The following FMO5 variants were observed in gnomAD, a reference collection of about 807,000 sequenced individuals.
FMO5 encodes flavin-containing monooxygenase 5.
In FMO5, 51 loss-of-function variants were observed where a neutral mutation model predicts 43.6. The observed-to-expected ratio is 1.17, with a 90% CI of 0.93 to 1.48. The LOEUF (loss-of-function observed/expected upper bound fraction) is 1.48, where lower values mean the gene tolerates loss of function less well. FMO5 is among the 40% of genes most tolerant of loss of function. The pLI is 0.00. For missense variants in FMO5, 644 were observed against 643.0 expected (o/e 1.00, Z -0.02); for synonymous variants, 187 against 216.5 (o/e 0.86, Z 1.20).
At chr1:147,222,136 G>A (rs1263033743) in intron 2 of FMO5, among the ~76,000 whole-genome samples, 1 of 152,184 alleles carries the variant, frequency 6.6e-6, no homozygotes, top group African/African-American at 2.4e-5. Flanking sequence ...TTGGGAGGCC[G>A]AGGTGAGCAG....
At chr1:147,206,142 T>C (rs1233354209) in intron 6 of FMO5, among the ~76,000 whole-genome samples, 8 of 150,618 alleles carry the variant, frequency 5.3e-5, no homozygotes, top group Non-Finnish European at 8.9e-5. Flanking sequence ...AAGACATTTA[T>C]GCAGCCAACA....
At chr1:147,191,796 G>C (rs755784921) in intron 7 of FMO5, among the ~76,000 whole-genome samples, 165 of 152,106 alleles carry the variant, frequency 1.1e-3, no homozygotes, top group Non-Finnish European at 2.0e-3. Flanking sequence ...GTTTTTGTCA[G>C]GTTTGTCAAA....
At chr1:147,207,728 G>A (rs1344997696) in intron 6 of FMO5, among the ~76,000 whole-genome samples, 1 of 152,062 alleles carries the variant, frequency 6.6e-6, no homozygotes, top group Non-Finnish European at 1.5e-5. Flanking sequence ...CTGGTTCCGG[G>A]AATACCTCTG....
downstream of FMO5, chr1:147,184,361 T>C: frequency 2.0e-6 from 2 of 983,980 alleles, no homozygotes; most frequent in Non-Finnish European, 1.4e-6. This position sits in a 1 kb window ranked among gnomAD's most constrained non-coding sequence, Gnocchi z 4.4. Flanking sequence ...GGTACATTTG[T>C]CACAACTAAT....
intron 2 of FMO5, among the ~76,000 whole-genome samples, chr1:147,220,090 G>A (rs1033992981): frequency 2.6e-5 from 4 of 151,934 alleles, no homozygotes; most frequent in Non-Finnish European, 4.4e-5. Context: ...CACCCACCTC[G>A]GCCTCCCAAA....
At chr1:147,208,717 G>C in intron 6 of FMO5, 135 bp downstream of exon 6, 1 of 679,388 alleles carries the variant, frequency 1.5e-6, no homozygotes, top group Admixed American at 2.5e-5. Context: ...GGGATTACAG[G>C]CGTGAGCCAC....
chr1:147,204,329 T>A, intron 6 of FMO5: 2 of 960,124 alleles, frequency 2.1e-6, no homozygotes, highest in Non-Finnish European at 1.7e-6. Context: ...CAAACTCTGA[T>A]GTTATCAACT....
In FMO5 at chr1:147,186,698, G is replaced by C; in HGVS notation, c.*202C>G. ...GGGATTACCACAAGGAAGAGTGACG[G>C]ATCATGAGTGGAAGGGAGATGAGTT... On this transcript the variant is annotated 3_prime_UTR_variant, in exon 9 of 9. Transcript: ENST00000254090. 1 of 1,401,008 alleles carries C rather than the reference G, an allele frequency of 7.1e-7. No homozygotes were observed. The highest frequency in any genetic ancestry group is 9.2e-7 in the Non-Finnish European group (1 of 1,081,948). 86.8% of individuals were successfully genotyped at this position (1,401,008 alleles called of 1,614,324 possible).
At chr1:147,208,714 C>A in intron 6 of FMO5, 138 bp downstream of exon 6, 2 of 637,172 alleles carry the variant, frequency 3.1e-6, no homozygotes, top group South Asian at 1.8e-5. Flanking sequence ...GCTGGGATTA[C>A]AGGCGTGAGC....
rs190673591 is a variant in FMO5 at position 147,186,620 on chromosome 1, C to T, written c.*280G>A. 1.8e-6 allele frequency: 2 copies of T among 1,123,472 alleles called. No individual in the cohort carries two copies. Among genetic ancestry groups the T allele is most frequent in the African/African-American group, 1.8e-5 (1 of 57,094 alleles). 69.6% of individuals were successfully genotyped at this position (1,123,472 alleles called of 1,614,324 possible). A position where few individuals can be genotyped will look rare whatever the true frequency, so the allele number is the denominator to read the frequency against. On this transcript the variant is annotated 3_prime_UTR_variant, in exon 9 of 9. Coordinates refer to ENST00000254090, the MANE Select transcript of FMO5 (RefSeq NM_001461.4). The stretch of plus-strand genomic sequence containing the variant: ...TTAAGCACCTACCACATGTCAAGAA[C>T]TCTGCTAAAGACATACAAAGATGAC...
At position 147,186,694 on chromosome 1, in the gene FMO5, G is replaced by A; in HGVS notation, c.*206C>T. 7.2e-7 allele frequency: 1 copy of A among 1,394,240 alleles called. No homozygotes were observed. The highest frequency in any genetic ancestry group is 1.6e-5 in the South Asian group (1 of 60,714). 86.4% of individuals were successfully genotyped at this position (1,394,240 alleles called of 1,614,324 possible). A position where few individuals can be genotyped will look rare whatever the true frequency, so the allele number is the denominator to read the frequency against. On this transcript the variant is annotated 3_prime_UTR_variant, in exon 9 of 9. Coordinates refer to ENST00000254090, the MANE Select transcript of FMO5 (RefSeq NM_001461.4). ...TCTAGGGATTACCACAAGGAAGAGTGACGGATCATGAGTGGAAGGGAGATG... is the reference window on the plus strand; with the variant it reads ...TCTAGGGATTACCACAAGGAAGAGTAACGGATCATGAGTGGAAGGGAGATG...
intron 7 of FMO5, among the ~76,000 whole-genome samples, chr1:147,199,281 T>C (rs1235783247): frequency 1.4e-4 from 22 of 152,012 alleles, no homozygotes; most frequent in Admixed American, 5.9e-4. Context: ...ATTGGCATAG[T>C]GAAGGGATAA....
At chr1:147,205,237 G>T (rs1553922015) in intron 6 of FMO5, among the ~76,000 whole-genome samples, 1 of 152,112 alleles carries the variant, frequency 6.6e-6, no homozygotes, top group African/African-American at 2.4e-5. Flanking sequence ...TTAGGTGAAA[G>T]GTTTTTAGGA....
intron 7 of FMO5, among the ~76,000 whole-genome samples, chr1:147,193,680 G>A (rs1326141355): frequency 7.2e-5 from 11 of 152,272 alleles, no homozygotes; most frequent in Middle Eastern, 6.8e-3. Context: ...TGCTTTAAAT[G>A]TGTTCCAGAG....
chr1:147,193,159 A>G (rs1223575945), intron 7 of FMO5, among the ~76,000 whole-genome samples: 58 of 152,174 alleles, frequency 3.8e-4, no homozygotes, highest in African/African-American at 1.0e-3. Context: ...TTGGTTGGTA[A>G]GCTATTGATT....
chr1:147,217,115 C>T (rs1662130670), intron 2 of FMO5, among the ~76,000 whole-genome samples: 1 of 152,114 alleles, frequency 6.6e-6, no homozygotes, highest in South Asian at 2.1e-4. Flanking sequence ...TGGCGCATGC[C>T]TGTAATCCCA....
In FMO5 at chr1:147,192,006, T is replaced by C. The variant is rs187616627; in HGVS notation, c.1184-1757A>G. On this transcript the variant is annotated intron_variant, in intron 7 of 8. Transcript: ENST00000254090. The stretch of plus-strand genomic sequence containing the variant: ...CTTGGTGATGCGGGCTCTTTTTTGG[T>C]TCCATATGAACTTTAAAATAGTTTT... 6.0e-3 allele frequency among the ~76,000 whole-genome samples: 908 copies of C among 152,238 alleles called. 4 individuals carry two copies. Among genetic ancestry groups the C allele is most frequent in the Middle Eastern group, 0.01 (3 of 294 alleles).
intron 4 of FMO5, 88 bp downstream of exon 4, chr1:147,213,220 G>T: frequency 1.9e-6 from 2 of 1,074,632 alleles, no homozygotes; most frequent in Non-Finnish European, 2.6e-6. Context: ...TTCCAAAGTA[G>T]GAATTACTCA....
At chr1:147,212,353 T>C (rs1661213762) in intron 5 of FMO5, 40 bp downstream of exon 5, 1 of 1,608,396 alleles carries the variant, frequency 6.2e-7, no homozygotes, top group South Asian at 1.1e-5. Context: ...AAACTGAAGC[T>C]AGAGTTAAGC....
Sources: allele counts gnomAD v4.1 joint callset (sites outside exome capture counted in the v4.1 genomes callset), GRCh38; gene constraint gnomAD v4.1.1; non-coding constraint Gnocchi (gnomAD v3.1); transcripts MANE v1.5; gene names NCBI Gene and HGNC (gene_info 2026-07-23, HGNC 2026-07-21).